The following CDH8 variants were observed in gnomAD, a reference collection of about 807,000 sequenced individuals.
CDH8 encodes the protein cadherin-8.
A neutral mutation model predicts 68.1 loss-of-function variants in CDH8; 17 were observed. The ratio of observed to expected loss-of-function variants is 0.25; its 90% CI spans 0.17 to 0.37. The LOEUF (loss-of-function observed/expected upper bound fraction) is 0.37. Among genes scored for constraint, CDH8 ranks in the 10% least tolerant of loss-of-function variants. CDH8 has a pLI of 1.00. For synonymous variants in CDH8, 372 were observed against 365.1 expected, an observed-to-expected ratio of 1.02 and a Z score of -0.21; for missense variants, 763 against 999.3, an observed-to-expected ratio of 0.76 and a Z score of 3.19.
intron 10 of CDH8, among the ~76,000 whole-genome samples, chr16:61,708,485 T>G (rs914086468): frequency 6.6e-6 from 1 of 152,146 alleles, no homozygotes; most frequent in Non-Finnish European, 1.5e-5. Context: ...TAAATTACAA[T>G]TTTAGAAAGA....
chr16:62,008,363 A>G (rs949435429), intron 2 of CDH8, among the ~76,000 whole-genome samples: 1 of 151,928 alleles, frequency 6.6e-6, no homozygotes, highest in African/African-American at 2.4e-5. Flanking sequence ...GTACCATCTC[A>G]TTTTGTTTAC....
At chr16:62,025,459 G>GTGCAACTTCCCAAT (rs1567573736) in intron 1 of CDH8, among the ~76,000 whole-genome samples, 1 of 152,002 alleles carries the variant, frequency 6.6e-6, no homozygotes, top group Non-Finnish European at 1.5e-5. Context: ...TGCTATTCCC[G>GTGCAACTTCCCAAT]TGCAACTTCC....
At chr16:61,880,952 G>A (rs1161375371) in intron 3 of CDH8, among the ~76,000 whole-genome samples, 1 of 152,104 alleles carries the variant, frequency 6.6e-6, no homozygotes, top group Non-Finnish European at 1.5e-5. Context: ...AACGTGTGTA[G>A]ATCGGCCACT....
intron 2 of CDH8, among the ~76,000 whole-genome samples, chr16:61,985,114 G>GTT (rs1177284615): frequency 7.0e-6 from 1 of 143,392 alleles, no homozygotes; most frequent in Non-Finnish European, 1.5e-5. Context: ...AAGAATGTCG[G>GTT]TTTTTTTTTT....
intron 10 of CDH8, among the ~76,000 whole-genome samples, chr16:61,677,731 T>C (rs1264212064): frequency 6.6e-6 from 1 of 151,992 alleles, no homozygotes; most frequent in East Asian, 1.9e-4. Context: ...ATATAAAATG[T>C]TCTGCTACTG....
intron 8 of CDH8, among the ~76,000 whole-genome samples, chr16:61,771,226 T>G (rs1960768840): frequency 6.6e-6 from 1 of 151,956 alleles, no homozygotes; most frequent in Non-Finnish European, 1.5e-5. Flanking sequence ...CTTATCTTCT[T>G]TTTATATCTT....
intron 2 of CDH8, among the ~76,000 whole-genome samples, chr16:61,905,703 G>A (rs1964049302): frequency 6.6e-6 from 1 of 152,040 alleles, no homozygotes; most frequent in Non-Finnish European, 1.5e-5. Flanking sequence ...AGGAACTGGG[G>A]ACTGTGAGAG....
intron 3 of CDH8, among the ~76,000 whole-genome samples, chr16:61,878,629 T>C (rs1191393682): frequency 6.6e-6 from 1 of 152,164 alleles, no homozygotes; most frequent in African/African-American, 2.4e-5. Flanking sequence ...ATGTTGATAA[T>C]AATAATATAG....
At chr16:61,741,631 C>T (rs1184284277) in intron 8 of CDH8, among the ~76,000 whole-genome samples, 7 of 152,028 alleles carry the variant, frequency 4.6e-5, no homozygotes, top group African/African-American at 1.7e-4. Context: ...TGCTATTTCC[C>T]CCTGTGGCAT....
intron 2 of CDH8, among the ~76,000 whole-genome samples, chr16:61,945,042 TTGCCCATTA>T (rs769555112): frequency 6.6e-5 from 10 of 152,190 alleles, no homozygotes; most frequent in Non-Finnish European, 1.2e-4. Flanking sequence ...TCCAGTATTG[TTGCCCATTA>T]TAGTCAGGGC....
intron 2 of CDH8, among the ~76,000 whole-genome samples, chr16:61,915,458 T>TA (rs1168353502): frequency 1.3e-5 from 2 of 152,210 alleles, no homozygotes; most frequent in Admixed American, 6.5e-5. Context: ...TAGCAAGTGA[T>TA]AAAAAAATGA....
chr16:61,981,103 T>A (rs1052816415), intron 2 of CDH8, among the ~76,000 whole-genome samples: 1 of 152,236 alleles, frequency 6.6e-6, no homozygotes, highest in African/African-American at 2.4e-5. Flanking sequence ...AAGTGTTAGC[T>A]ATTTGGCACA....
intron 2 of CDH8, among the ~76,000 whole-genome samples, chr16:61,901,907 T>C (rs1355890836): frequency 1.3e-5 from 2 of 152,150 alleles, no homozygotes; most frequent in Non-Finnish European, 2.9e-5. Flanking sequence ...TTAAGAATAT[T>C]TCATATGACA....
chr16:61,756,561 C>A (rs1361319805), intron 8 of CDH8, among the ~76,000 whole-genome samples: 1 of 151,918 alleles, frequency 6.6e-6, no homozygotes, highest in Non-Finnish European at 1.5e-5. Flanking sequence ...TACATAATAC[C>A]AAGATCAAAA....
chr16:61,864,274 G>A (rs1963208913), intron 3 of CDH8, among the ~76,000 whole-genome samples: 1 of 144,730 alleles, frequency 6.9e-6, no homozygotes, highest in Non-Finnish European at 1.5e-5. Flanking sequence ...TGGTTGGTTG[G>A]TTGGTTGGCT....
chr16:61,953,407 C>A (rs1964927321), intron 2 of CDH8, among the ~76,000 whole-genome samples: 1 of 151,908 alleles, frequency 6.6e-6, no homozygotes, highest in Admixed American at 6.6e-5. Context: ...TCTTGCTCAC[C>A]ATGAAATACA....
intron 4 of CDH8, among the ~76,000 whole-genome samples, chr16:61,854,224 T>G (rs533321880): frequency 6.6e-6 from 1 of 151,920 alleles, no homozygotes; most frequent in African/African-American, 2.4e-5. Flanking sequence ...AGGATTTCCA[T>G]GCAGTTAGCT....
intron 10 of CDH8, among the ~76,000 whole-genome samples, chr16:61,711,846 A>G (rs1964637361): frequency 6.6e-6 from 1 of 151,678 alleles, no homozygotes; most frequent in East Asian, 1.9e-4. Context: ...CACCCCTCTC[A>G]CTTTAAAACA....
chr16:61,916,846 C>T (rs1340813905), intron 2 of CDH8, among the ~76,000 whole-genome samples: 1 of 152,246 alleles, frequency 6.6e-6, no homozygotes, highest in Non-Finnish European at 1.5e-5. Context: ...ATGTAAAAGA[C>T]TGTCAGAAAC....
Sources: allele counts gnomAD v4.1 joint callset (sites outside exome capture counted in the v4.1 genomes callset), GRCh38; gene constraint gnomAD v4.1.1; transcripts MANE v1.5; gene names NCBI Gene and HGNC (gene_info 2026-07-23, HGNC 2026-07-21).